Variants in TMEM131 observed in about 807,000 individuals in gnomAD.
The protein encoded by TMEM131 is transmembrane protein 131.
In TMEM131, 66 loss-of-function variants were observed where a neutral mutation model predicts 211.6. That is an observed-to-expected ratio of 0.31 (90% CI 0.26 to 0.38). TMEM131 has a LOEUF of 0.38. Among genes scored for constraint, TMEM131 ranks in the 10% least tolerant of loss-of-function variants. The pLI, the probability that TMEM131 is intolerant of heterozygous loss-of-function variation, is 1.00. For synonymous variants in TMEM131, 844 were observed against 841.3 expected, an observed-to-expected ratio of 1.00 and a Z score of -0.06; for missense variants, 2,036 against 2,299.3, an observed-to-expected ratio of 0.89 and a Z score of 2.34.
rs1427608793 is a variant in TMEM131, at chr2:97,795,023, G to C, written c.3293C>G (p.Ser1098Cys). ...GGTTGCTAACATATGGTAAGGAAGGGATGCATTCAATATAAATACAAACTC... is the reference window on the plus strand; with the variant it reads ...GGTTGCTAACATATGGTAAGGAAGGCATGCATTCAATATAAATACAAACTC... ...GSEFVFILNA[S>C]LPYHMLATCA... is the part of the protein sequence containing the mutation. The change falls in exon 29 of 41, where the codon TCC (serine) becomes TGC (cysteine). Residue 1098 changes from serine (S) to cysteine (C), a missense_variant. Ser to Cys is a moderately radical substitution (Grantham distance 112). This residue lies in a region of TMEM131 where 1,623 missense variants were observed against 1,805.9 expected (regional missense o/e 0.90). Transcript: ENST00000186436. 6.2e-7 allele frequency: 1 copy of C among 1,613,592 alleles called. No individual in the cohort carries two copies.
At chr2:97,980,791 A>G (rs1679753913) in intron 1 of TMEM131, among the ~76,000 whole-genome samples, 1 of 152,138 alleles carries the variant, frequency 6.6e-6, no homozygotes, top group South Asian at 2.1e-4. Flanking sequence ...TGCTGAGTAA[A>G]ATAAACCAGT....
chr2:97,804,737 C>G (rs140303155), intron 22 of TMEM131, among the ~76,000 whole-genome samples: 1 of 152,056 alleles, frequency 6.6e-6, no homozygotes, highest in Admixed American at 6.5e-5. Context: ...GTTTCCCTTG[C>G]CTTTAACAGA....
At chr2:97,869,116 C>T (rs576139315) in intron 4 of TMEM131, among the ~76,000 whole-genome samples, 13 of 152,320 alleles carry the variant, frequency 8.5e-5, no homozygotes, top group African/African-American at 2.6e-4. Context: ...AAAAAAAATG[C>T]TTTTACAATT....
intron 1 of TMEM131, among the ~76,000 whole-genome samples, chr2:97,990,490 C>A (rs1018533105): frequency 1.3e-5 from 2 of 152,164 alleles, no homozygotes; most frequent in African/African-American, 2.4e-5. Flanking sequence ...AATCCTGGCT[C>A]CACTATTTAC....
intron 25 of TMEM131, among the ~76,000 whole-genome samples, chr2:97,798,518 A>T (rs1680877065): frequency 6.6e-6 from 1 of 152,230 alleles, no homozygotes; most frequent in South Asian, 2.1e-4. Flanking sequence ...TATGAAGCAC[A>T]TTACTTTTAA....
intron 1 of TMEM131, among the ~76,000 whole-genome samples, chr2:97,942,679 A>G (rs1677795546): frequency 6.6e-6 from 1 of 152,152 alleles, no homozygotes; most frequent in Non-Finnish European, 1.5e-5. Flanking sequence ...ACTCCAAAAT[A>G]AACAGAAAAT....
chr2:97,862,350 G>T (rs1475487818), intron 4 of TMEM131, among the ~76,000 whole-genome samples: 3 of 152,084 alleles, frequency 2.0e-5, no homozygotes, highest in Non-Finnish European at 4.4e-5. Flanking sequence ...ATTAAGACCA[G>T]CCAGGAAAAC....
In TMEM131 at chr2:97,793,458, G is replaced by A. The variant is rs776951785; in HGVS notation, c.3482C>T (p.Pro1161Leu). 4.3e-6 allele frequency: 7 copies of A among 1,613,946 alleles called. No individual in the cohort carries two copies. Among genetic ancestry groups the A allele is most frequent in the East Asian group, 2.2e-5 (1 of 44,884 alleles). The change falls in exon 30 of 41, where the codon CCG (proline) becomes CTG (leucine). Residue 1161 changes from proline (P) to leucine (L), a missense_variant. Physicochemically the swap from Pro to Leu is moderately conservative, Grantham distance 98. This residue lies in a region of TMEM131 where 1,623 missense variants were observed against 1,805.9 expected (regional missense o/e 0.90). Coordinates refer to ENST00000186436, the MANE Select transcript of TMEM131 (RefSeq NM_015348.2). ...RRRLSFEASNPPFDVGRPFDL... is the reference protein window; with the variant it reads ...RRRLSFEASNLPFDVGRPFDL... ...AAATGGCCTTCCCACATCGAAGGGCGGGTTCGAGGCCTCAAAGGATAGCCG... is the reference window on the plus strand; with the variant it reads ...AAATGGCCTTCCCACATCGAAGGGCAGGTTCGAGGCCTCAAAGGATAGCCG...
At chr2:97,886,885 G>T (rs192500891) in intron 4 of TMEM131, among the ~76,000 whole-genome samples, 1 of 152,362 alleles carries the variant, frequency 6.6e-6, no homozygotes, top group East Asian at 1.9e-4. Flanking sequence ...TTTTGACTCA[G>T]CAAGATGAAA....
intron 11 of TMEM131, among the ~76,000 whole-genome samples, chr2:97,819,455 T>A (rs1426504913): frequency 6.6e-6 from 1 of 152,228 alleles, no homozygotes; most frequent in African/African-American, 2.4e-5. Context: ...ACGTAAAAGA[T>A]TCCAACCTCC....
intron 2 of TMEM131, among the ~76,000 whole-genome samples, chr2:97,920,323 G>A (rs1676687704): frequency 6.6e-6 from 1 of 152,078 alleles, no homozygotes; most frequent in Non-Finnish European, 1.5e-5. Context: ...GGGCAGTGAA[G>A]AAAAAATCGT....
intron 4 of TMEM131, among the ~76,000 whole-genome samples, chr2:97,867,328 C>G (rs1674313457): frequency 6.6e-6 from 1 of 152,128 alleles, no homozygotes. Flanking sequence ...CCCTTCAGTT[C>G]TGGCAGTTTT....
Position 97,892,672 on chromosome 2 carries a change from C to T in TMEM131, c.291-4552G>A, listed in dbSNP as rs531295813. On this transcript the variant is annotated intron_variant, in intron 3 of 40. Transcript: ENST00000186436. ...GCCACTGTGCCTGGCCTCATTTTTT[C>T]TTTTATGGTATGTGTTTTTGGTATT... is the stretch of plus-strand genomic sequence containing the variant. Among the ~76,000 whole-genome samples, 5 of 152,186 alleles carry T rather than the reference C, an allele frequency of 3.3e-5. No homozygotes were observed. In the East Asian group the frequency reaches 9.7e-4, roughly 29 times the overall value.
chr2:97,945,635 A>T (rs1272077915), intron 1 of TMEM131, among the ~76,000 whole-genome samples: 1 of 152,068 alleles, frequency 6.6e-6, no homozygotes, highest in Non-Finnish European at 1.5e-5. Flanking sequence ...ATACAAATTC[A>T]TTCATTAGAT....
intron 31 of TMEM131, among the ~76,000 whole-genome samples, chr2:97,787,950 T>A (rs1429249910): frequency 2.0e-5 from 3 of 152,182 alleles, no homozygotes; most frequent in Non-Finnish European, 1.5e-5. Flanking sequence ...TCCTCGAAAT[T>A]CAATCTGTTG....
At chr2:97,976,723 G>A (rs1013666687) in intron 1 of TMEM131, among the ~76,000 whole-genome samples, 1 of 152,096 alleles carries the variant, frequency 6.6e-6, no homozygotes, top group African/African-American at 2.4e-5. Flanking sequence ...GAACAAAGTT[G>A]GTGAACTGAC....
intron 25 of TMEM131, among the ~76,000 whole-genome samples, chr2:97,798,265 A>G (rs1680864209): frequency 6.6e-6 from 1 of 152,258 alleles, no homozygotes; most frequent in Non-Finnish European, 1.5e-5. Context: ...CAGGTCACAT[A>G]TAAGGATATA....
intron 31 of TMEM131, among the ~76,000 whole-genome samples, chr2:97,790,413 C>T (rs1295921323): frequency 6.6e-6 from 1 of 152,242 alleles, no homozygotes; most frequent in Admixed American, 6.5e-5. Context: ...CTTCTAACCA[C>T]TGTCTCCTCA....
chr2:97,901,540 T>C (rs1047105389), intron 3 of TMEM131, among the ~76,000 whole-genome samples: 1 of 152,064 alleles, frequency 6.6e-6, no homozygotes. Context: ...AACCTAAGTG[T>C]CCATCAATGG....
Sources: allele counts gnomAD v4.1 joint callset (sites outside exome capture counted in the v4.1 genomes callset), GRCh38; gene constraint gnomAD v4.1.1; regional missense constraint gnomAD v4.1.1; transcripts MANE v1.5; gene names NCBI Gene and HGNC (gene_info 2026-07-23, HGNC 2026-07-21).